The following CAMKV variants were observed in gnomAD, a reference collection of about 807,000 sequenced individuals.
The protein encoded by CAMKV is CaM kinase like vesicle associated, also known as caM kinase-like vesicle-associated protein.
A neutral mutation model predicts 50.2 loss-of-function variants in CAMKV; 5 were observed. That is an observed-to-expected ratio of 0.10 (90% CI 0.05 to 0.21). The LOEUF is 0.21. CAMKV is among the 10% of genes least tolerant of loss of function. The pLI is 1.00. For missense variants in CAMKV, 361 were observed against 650.5 expected (o/e 0.55, Z 4.84); for synonymous variants, 229 against 250.1 (o/e 0.92, Z 0.80).
Position 49,861,474 on chromosome 3 carries a change from A to G in CAMKV, c.406T>C (p.Leu136=). The part of the protein sequence containing the change: ...VRQVLEAVAY[L]HSLKIVHRNL... ...CTGTGCACGATCTTGAGTGAGTGCAAATAGGCCACGGCCTCCAGGACTTGC... is the reference window on the plus strand; with the variant it reads ...CTGTGCACGATCTTGAGTGAGTGCAGATAGGCCACGGCCTCCAGGACTTGC... The change falls in exon 5 of 11, where the codon TTG becomes CTG. Residue 136 remains leucine, a synonymous_variant. Coordinates refer to ENST00000477224, the MANE Select transcript of CAMKV (RefSeq NM_024046.5). This position sits in a 1 kb window ranked among gnomAD's most constrained non-coding sequence, Gnocchi z 7.7. 1 of 1,614,136 alleles carries G rather than the reference A, an allele frequency of 6.2e-7. No individual in the cohort carries two copies. Among genetic ancestry groups the G allele is most frequent in the Non-Finnish European group, 8.5e-7 (1 of 1,180,028 alleles).
chr3:49,860,403 T>A lies in CAMKV; in HGVS notation c.854+68A>T. 6.4e-7 allele frequency: 1 copy of A among 1,574,488 alleles called. No individual in the cohort carries two copies. The highest frequency in any genetic ancestry group is 1.7e-5 in the Admixed American group (1 of 57,654). On this transcript the variant is annotated intron_variant, in intron 9 of 10. Coordinates refer to ENST00000477224, the MANE Select transcript of CAMKV (RefSeq NM_024046.5). This position sits in a 1 kb window ranked among gnomAD's most constrained non-coding sequence, Gnocchi z 6.1. ...TAGGTACCTGCACCCCTTCCAGGCC[T>A]CAAAGATGGGGCTGCTGGGTGTGAG...
At position 49,861,678 on chromosome 3, in the gene CAMKV, A is replaced by G. The variant is rs1230243497; in HGVS notation, c.303-101T>C. The stretch of plus-strand genomic sequence containing the variant: ...CGCCAGGCAGCTGGCTGAGCAAGGC[A>G]CAGGGACCTGGGACGCCAAGGGTCC... On this transcript the variant is annotated intron_variant, in intron 4 of 10. Transcript: ENST00000477224. This position sits in a 1 kb window ranked among gnomAD's most constrained non-coding sequence, Gnocchi z 7.7. 4 of 1,598,430 alleles carry G rather than the reference A, an allele frequency of 2.5e-6. No homozygotes were observed. In the Admixed American group the frequency reaches 6.7e-5, roughly 27 times the overall value.
chr3:49,863,037 T>TA (rs1238822059), intron 1 of CAMKV, among the ~76,000 whole-genome samples: 1 of 152,234 alleles, frequency 6.6e-6, no homozygotes, highest in East Asian at 1.9e-4. Flanking sequence ...GGATGTATTG[T>TA]GGTAGAGTCA....
chr3:49,865,932 C>T (rs1031648288), intron 1 of CAMKV, among the ~76,000 whole-genome samples: 1 of 152,196 alleles, frequency 6.6e-6, no homozygotes, highest in African/African-American at 2.4e-5. Context: ...TTCGTGCCCA[C>T]TGAGGTCCAG....
At chr3:49,867,076 C>T (rs965784813) in intron 1 of CAMKV, among the ~76,000 whole-genome samples, 1 of 152,222 alleles carries the variant, frequency 6.6e-6, no homozygotes, top group Non-Finnish European at 1.5e-5. Flanking sequence ...CTGCAGGCAC[C>T]CCCTCCTCTC....
At position 49,860,581 on chromosome 3, in the gene CAMKV, G is replaced by T. The variant is rs937871478; in HGVS notation, c.776-32C>A. 3 of 1,611,220 alleles carry T rather than the reference G, an allele frequency of 1.9e-6. No homozygotes were observed. In the South Asian group the frequency reaches 3.3e-5, roughly 18 times the overall value. On this transcript the variant is annotated intron_variant, in intron 8 of 10. Coordinates refer to ENST00000477224, the MANE Select transcript of CAMKV (RefSeq NM_024046.5). This position sits in a 1 kb window ranked among gnomAD's most constrained non-coding sequence, Gnocchi z 6.1. ...ACAAAACCAAGAAGGGGATAGTCAT[G>T]GGCACCCCATCTCAATGTCTAGAGG...
chr3:49,859,484 T>C lies in CAMKV; in HGVS notation c.1340A>G (p.Gln447Arg). The part of the protein sequence containing the change: ...ATEESTVPTT[Q>R]SSAMLATKAA... ...CTTGGTGGCCAGCATGGCACTGCTT[T>C]GGGTGGTGGGCACAGTGCTCTCTTC... The change falls in exon 11 of 11, where the codon CAA becomes CGA. Residue 447 changes from glutamine to arginine, a missense_variant. Transcript: ENST00000477224. The surrounding 1 kb of genome is among the most constrained non-coding windows in gnomAD (Gnocchi z 5.5). 3.1e-6 allele frequency: 5 copies of C among 1,614,124 alleles called. No homozygotes were observed. The highest frequency in any genetic ancestry group is 4.2e-6 in the Non-Finnish European group (5 of 1,179,998).
intron 1 of CAMKV, among the ~76,000 whole-genome samples, chr3:49,868,197 G>A (rs2082079578): frequency 6.6e-6 from 1 of 152,032 alleles, no homozygotes; most frequent in Admixed American, 6.6e-5. Flanking sequence ...AATGAGGCTC[G>A]GATGCCTGGC....
At chr3:49,867,261 G>C (rs1690852083) in intron 1 of CAMKV, among the ~76,000 whole-genome samples, 2 of 152,244 alleles carry the variant, frequency 1.3e-5, no homozygotes, top group Admixed American at 1.3e-4. Flanking sequence ...CCATCCAATT[G>C]CTTCAGGGGA....
At position 49,860,074 on chromosome 3, in the gene CAMKV, GC is replaced by G. The variant is rs1166006928; in HGVS notation, c.942+96del. On this transcript the variant is annotated intron_variant, in intron 10 of 10. Coordinates refer to ENST00000477224, the MANE Select transcript of CAMKV (RefSeq NM_024046.5). The surrounding 1 kb of genome is among the most constrained non-coding windows in gnomAD (Gnocchi z 6.1). ...ACCCACACCTGATGGCCTGAGAAAA[GC>G]TTGTGTGTGGCTGCAGGGGTGTGAT... 4.9e-5 allele frequency: 59 copies of G among 1,212,576 alleles called. No homozygotes were observed. The highest frequency in any genetic ancestry group is 6.3e-5 in the Non-Finnish European group (52 of 823,688). 75.1% of individuals were successfully genotyped at this position (1,212,576 alleles called of 1,614,324 possible).
Position 49,859,531 on chromosome 3 carries a change from A to G in CAMKV, c.1293T>C (p.Asp431=), listed in dbSNP as rs2082002781. 3 of 1,613,920 alleles carry G rather than the reference A, an allele frequency of 1.9e-6. No homozygotes were observed. In the South Asian group the frequency reaches 3.3e-5, roughly 18 times the overall value. Residue 431 remains aspartate, a synonymous_variant, in exon 11 of 11, where the codon GAT becomes GAC. Coordinates refer to ENST00000477224, the MANE Select transcript of CAMKV (RefSeq NM_024046.5). The surrounding 1 kb of genome is among the most constrained non-coding windows in gnomAD (Gnocchi z 5.5). ...ATDRSATPAT[D]GRATPATEES... is the part of the protein sequence containing the mutation. ...CTTCTGTGGCTGGTGTGGCTCTCCC[A>G]TCAGTGGCTGGAGTAGCGCTCCTGT...
intron 1 of CAMKV, among the ~76,000 whole-genome samples, chr3:49,868,837 T>C (rs1442475460): frequency 6.6e-6 from 1 of 152,056 alleles, no homozygotes; most frequent in Admixed American, 6.5e-5. Context: ...ACTCTGAGCT[T>C]TTAGTGTGGG....
At position 49,858,211 on chromosome 3, in the gene CAMKV, C is replaced by T. The variant is rs1041002659; in HGVS notation, c.*1107G>A. ...TCCCTCAGGAAACTGGGGAGTTTAACCCTACTTCCTCATCCCAGAAAAAGC... is the reference window on the plus strand; with the variant it reads ...TCCCTCAGGAAACTGGGGAGTTTAATCCTACTTCCTCATCCCAGAAAAAGC... On this transcript the variant is annotated 3_prime_UTR_variant, in exon 11 of 11. Transcript: ENST00000477224. 24 of 398,372 alleles carry T rather than the reference C, an allele frequency of 6.0e-5. No homozygotes were observed. The highest frequency in any genetic ancestry group is 8.8e-6 in the Non-Finnish European group (2 of 226,034). 24.7% of individuals were successfully genotyped at this position (398,372 alleles called of 1,614,324 possible).
rs1372175098 is a variant in CAMKV, at chr3:49,859,672, A to G, written c.1152T>C (p.Arg384=). 5.0e-6 allele frequency: 8 copies of G among 1,613,988 alleles called. No individual in the cohort carries two copies. Among genetic ancestry groups the G allele is most frequent in the Admixed American group, 1.7e-5 (1 of 60,014 alleles). ...TTCCATCTGTGGCTGGGGTGGCACT[A>G]CGGTCTGCGGGGGCCACATTATCAC... ...AKSDNVAPAD[R]SATPATDGSA... is the part of the protein sequence containing the mutation. The change falls in exon 11 of 11, where the codon CGT becomes CGC. Residue 384 remains arginine, a synonymous_variant. Coordinates refer to ENST00000477224, the MANE Select transcript of CAMKV (RefSeq NM_024046.5). The surrounding 1 kb of genome is among the most constrained non-coding windows in gnomAD (Gnocchi z 5.5).
At chr3:49,868,196 C>T (rs934137788) in intron 1 of CAMKV, among the ~76,000 whole-genome samples, 1 of 152,144 alleles carries the variant, frequency 6.6e-6, no homozygotes, top group Non-Finnish European at 1.5e-5. Flanking sequence ...AAATGAGGCT[C>T]GGATGCCTGG....
Position 49,860,292 on chromosome 3 carries a change from G to T in CAMKV, c.855-34C>A. 6.2e-7 allele frequency: 1 copy of T among 1,601,732 alleles called. No individual in the cohort carries two copies. Among genetic ancestry groups the T allele is most frequent in the Non-Finnish European group, 8.6e-7 (1 of 1,168,762 alleles). ...GGTGCAAGTGTGTCTGGATCTGAGA[G>T]AATGAGCCTTTGTGGAGACTCTGCT... On this transcript the variant is annotated intron_variant, in intron 9 of 10. Transcript: ENST00000477224. This position sits in a 1 kb window ranked among gnomAD's most constrained non-coding sequence, Gnocchi z 6.1.
chr3:49,858,059 A>G lies in CAMKV; in HGVS notation c.*1259T>C, dbSNP rs1343381930. 3.8e-5 allele frequency: 15 copies of G among 392,322 alleles called. No individual in the cohort carries two copies. The highest frequency in any genetic ancestry group is 1.3e-4 in the Admixed American group (3 of 22,506). 24.3% of individuals were successfully genotyped at this position (392,322 alleles called of 1,614,324 possible). A position where few individuals can be genotyped will look rare whatever the true frequency, so the allele number is the denominator to read the frequency against. On this transcript the variant is annotated 3_prime_UTR_variant, in exon 11 of 11. Transcript: ENST00000477224. ...GTTAACCCACCGACCTTCACACACC[A>G]GAGCAGACCCACAGGCATGCAGGGA...
In CAMKV at chr3:49,859,687, C is replaced by G; in HGVS notation, c.1137G>C (p.Val379=). 1 of 1,613,576 alleles carries G rather than the reference C, an allele frequency of 6.2e-7. No homozygotes were observed. Residue 379 remains valine (V), a synonymous_variant, in exon 11 of 11, where the codon GTG becomes GTC. Coordinates refer to ENST00000477224, the MANE Select transcript of CAMKV (RefSeq NM_024046.5). This position sits in a 1 kb window ranked among gnomAD's most constrained non-coding sequence, Gnocchi z 5.5. ...GGGTGGCACTACGGTCTGCGGGGGC[C>G]ACATTATCACTCTTTGCAGCACGAG... ...DAARAAKSDN[V]APADRSATPA...
chr3:49,867,196 G>A (rs941833654), intron 1 of CAMKV, among the ~76,000 whole-genome samples: 1 of 152,270 alleles, frequency 6.6e-6, no homozygotes, highest in Admixed American at 6.5e-5. Flanking sequence ...AGGACCAGGG[G>A]AGCTGAAGAC....
Sources: gnomAD v4.1 joint callset for allele counts (sites outside exome capture counted in the v4.1 genomes callset) on GRCh38, gnomAD v4.1.1 for gene constraint, Gnocchi (gnomAD v3.1) non-coding constraint, MANE v1.5 for transcripts, NCBI Gene and HGNC (gene_info 2026-07-23, HGNC 2026-07-21) for gene names.